ADSL: variants seen among roughly 807,000 people sequenced by gnomAD.
ADSL encodes the protein adenylosuccinate lyase.
ADSL carries 44 observed loss-of-function variants against 62.1 expected under a neutral mutation model. The observed-to-expected ratio is 0.71, with a 90% CI of 0.56 to 0.91. The LOEUF (loss-of-function observed/expected upper bound fraction) is 0.91, where lower values mean the gene tolerates loss of function less well. ADSL is among the 40% of genes least tolerant of loss of function. The pLI, the probability that ADSL is intolerant of heterozygous loss-of-function variation, is 0.00. For missense variants in ADSL, 531 were observed against 627.4 expected, an observed-to-expected ratio of 0.85 and a Z score of 1.64; for synonymous variants, 198 against 220.5, an observed-to-expected ratio of 0.90 and a Z score of 0.90.
At chr22:40,384,583 A>G (rs1425479566) in intron 2 of ADSL, among the ~76,000 whole-genome samples, 1 of 152,218 alleles carries the variant, frequency 6.6e-6, no homozygotes, top group Non-Finnish European at 1.5e-5. Flanking sequence ...GATCGAGACC[A>G]TCCTGGCTAA....
Position 40,368,097 on chromosome 22 carries a change from T to C in ADSL, c.*1575T>C, listed in dbSNP as rs1395546382. 1 of 152,172 alleles carries C rather than the reference T, an allele frequency of 6.6e-6. No individual in the cohort carries two copies. The highest frequency in any genetic ancestry group is 6.5e-5 in the Admixed American group (1 of 15,278). 9.4% of individuals were successfully genotyped at this position (152,172 alleles called of 1,614,324 possible). ...GGAGGAATGTTAGGGCTCTTTATCC[T>C]ATACAGAAGAAAACTCCTCGGCACT... On this transcript the variant is annotated 3_prime_UTR_variant, in exon 13 of 13. Transcript: ENST00000623063.
chr22:40,377,922 G>T (rs1203291667), intron 2 of ADSL, among the ~76,000 whole-genome samples: 1 of 151,942 alleles, frequency 6.6e-6, no homozygotes, highest in African/African-American at 2.4e-5. Flanking sequence ...GAAGATGTGG[G>T]TATCTTCAAA....
rs143135693 is a variant in ADSL at position 40,350,273 on chromosome 22, A to G, written c.357+238A>G. 4,677 of 482,182 alleles carry G rather than the reference A, an allele frequency of 9.7e-3. 180 individuals are homozygous for G. Among genetic ancestry groups the G allele is most frequent in the African/African-American group, 0.083 (4,240 of 50,810 alleles). 29.9% of individuals were successfully genotyped at this position (482,182 alleles called of 1,614,324 possible). A position where few individuals can be genotyped will look rare whatever the true frequency, so the allele number is the denominator to read the frequency against. On this transcript the variant is annotated intron_variant, in intron 2 of 12. Transcript: ENST00000623063. Reference sequence around the variant, plus strand: ...CGAGTAGCTGGGATTACAGGTGCCCACCACCACACTCGGCTAATTTTTTTG... The same window carrying G: ...CGAGTAGCTGGGATTACAGGTGCCCGCCACCACACTCGGCTAATTTTTTTG...
At chr22:40,349,375 CTTT>C (rs71263543) in intron 1 of ADSL, among the ~76,000 whole-genome samples, 10 of 135,894 alleles carry the variant, frequency 7.4e-5, no homozygotes, top group Admixed American at 2.2e-4. Flanking sequence ...TTGGAGCTTT[CTTT>C]TTTTTTTTTT....
rs1033388610 is a variant in ADSL at position 40,369,340 on chromosome 22, GATTTTCCCATGTAAC to G, written c.*2824_*2838del. On this transcript the variant is annotated 3_prime_UTR_variant, in exon 13 of 13. Transcript: ENST00000623063. The stretch of plus-strand genomic sequence containing the variant: ...ATACTTGTATGCAACTTTGTAATCT[GATTTTCCCATGTAAC>G]ATTTTAATTTGATGGGTGGTCTGCG... The G allele has an allele frequency of 1.3e-5, 2 of 151,334 alleles. No individual in the cohort carries two copies. Among genetic ancestry groups the G allele is most frequent in the East Asian group, 3.9e-4 (2 of 5,186 alleles). 9.4% of individuals were successfully genotyped at this position (151,334 alleles called of 1,614,324 possible).
chr22:40,372,979 G>T (rs2045883352), downstream of ADSL: 2 of 152,214 alleles, frequency 1.3e-5, no homozygotes, highest in African/African-American at 4.8e-5. Flanking sequence ...ATAGCACAAT[G>T]AGTGTTACAG....
At chr22:40,377,672 C>G (rs553334079) in intron 2 of ADSL, among the ~76,000 whole-genome samples, 39 of 150,406 alleles carry the variant, frequency 2.6e-4, no homozygotes, top group Admixed American at 6.6e-4. Context: ...CCTGTCTCTA[C>G]AAAAAAAAAC....
At chr22:40,357,452 T>C (rs2044610076) in intron 4 of ADSL, among the ~76,000 whole-genome samples, 1 of 150,842 alleles carries the variant, frequency 6.6e-6, no homozygotes, top group Non-Finnish European at 1.5e-5. Flanking sequence ...GGGGTTTCTC[T>C]GTGTTGGTCA....
chr22:40,363,128 A>AG, intron 10 of ADSL, 57 bp downstream of exon 10: 1 of 1,524,676 alleles, frequency 6.6e-7, no homozygotes, highest in South Asian at 1.1e-5. Context: ...TGTGGGAGGG[A>AG]GGGTGCTCTG....
intron 11 of ADSL, chr22:40,364,631 G>A (rs767735183): frequency 1.9e-4 from 120 of 626,194 alleles, no homozygotes; most frequent in Middle Eastern, 4.2e-4. Context: ...AGCAGGAAAC[G>A]AGCAAATGAT....
intron 2 of ADSL, among the ~76,000 whole-genome samples, chr22:40,385,340 G>A (rs756366098): frequency 1.6e-4 from 25 of 152,218 alleles, no homozygotes; most frequent in Admixed American, 1.3e-4. Context: ...GCTTGAGTGG[G>A]TACAGGGATA....
rs574507768 is a variant in ADSL, at chr22:40,369,366, G to A, written c.*2844G>A. ...ATTTTCCCATGTAACATTTTAATTT[G>A]ATGGGTGGTCTGCGTGTTCACTGGA... On this transcript the variant is annotated 3_prime_UTR_variant, in exon 13 of 13. Transcript: ENST00000623063. The A allele has an allele frequency of 6.6e-6, 1 of 150,812 alleles. No homozygotes were observed. The highest frequency in any genetic ancestry group is 2.4e-5 in the African/African-American group (1 of 41,028). The allele number at this position is 150,812 out of a possible 1,614,324, so 9.3% of individuals were successfully genotyped here. A position where few individuals can be genotyped will look rare whatever the true frequency, so the allele number is the denominator to read the frequency against.
chr22:40,357,295 C>A (rs189180555), intron 4 of ADSL, among the ~76,000 whole-genome samples: 1 of 128,596 alleles, frequency 7.8e-6, no homozygotes, highest in African/African-American at 2.9e-5. Flanking sequence ...CTTTTGTCAT[C>A]CAGGCTGGAG....
chr22:40,359,227 G>T (rs779732422), intron 5 of ADSL, 33 bp from the exon 6 acceptor site: 2 of 1,611,872 alleles, frequency 1.2e-6, no homozygotes, highest in Non-Finnish European at 1.7e-6. Flanking sequence ...TGGACACATG[G>T]ATTATTATAA....
intron 1 of ADSL, among the ~76,000 whole-genome samples, chr22:40,348,165 A>G (rs2044214215): frequency 1.3e-5 from 2 of 152,246 alleles, no homozygotes; most frequent in South Asian, 4.1e-4. Context: ...GGAGGAATGC[A>G]GAAAATTTGT....
At chr22:40,349,783 A>C in intron 1 of ADSL, 49 bp from the exon 2 acceptor site, 1 of 1,535,674 alleles carries the variant, frequency 6.5e-7, no homozygotes, top group African/African-American at 1.4e-5. Context: ...ACTTCATTCA[A>C]ATAACTGTGA....
At chr22:40,358,077 C>G (rs1008908631) in intron 4 of ADSL, among the ~76,000 whole-genome samples, 1 of 152,168 alleles carries the variant, frequency 6.6e-6, no homozygotes, top group African/African-American at 2.4e-5. Context: ...CGCGCCTGGC[C>G]TAATCTTGTT....
chr22:40,350,620 A>G (rs1232591874), intron 2 of ADSL, among the ~76,000 whole-genome samples: 2 of 147,456 alleles, frequency 1.4e-5, no homozygotes, highest in Admixed American at 6.8e-5. Flanking sequence ...TTTCAAAGGA[A>G]TTTTTTTTTT....
At chr22:40,382,633 G>A (rs962428105) in intron 2 of ADSL, among the ~76,000 whole-genome samples, 1 of 152,160 alleles carries the variant, frequency 6.6e-6, no homozygotes, top group African/African-American at 2.4e-5. Flanking sequence ...CTTGGTTAAG[G>A]GAGTCACAGA....
Sources: gnomAD v4.1 joint callset for allele counts (sites outside exome capture counted in the v4.1 genomes callset) on GRCh38, gnomAD v4.1.1 for gene constraint, MANE v1.5 for transcripts, NCBI Gene and HGNC (gene_info 2026-07-23, HGNC 2026-07-21) for gene names.